PLCE1: variants seen among roughly 807,000 people sequenced by gnomAD.
PLCE1 encodes 1-phosphatidylinositol 4,5-bisphosphate phosphodiesterase epsilon-1.
In PLCE1, 119 loss-of-function variants were observed where a neutral mutation model predicts 242.8. The ratio of observed to expected loss-of-function variants is 0.49; its 90% CI spans 0.42 to 0.57. The LOEUF is 0.57. PLCE1 is among the 20% of genes least tolerant of loss of function. PLCE1 has a pLI of 0.00. For synonymous variants in PLCE1, 945 were observed against 1,017.4 expected (o/e 0.93, Z 1.35); for missense variants, 2,441 against 2,788.8 (o/e 0.88, Z 2.81).
intron 2 of PLCE1, among the ~76,000 whole-genome samples, chr10:94,071,761 A>C (rs554357428): frequency 3.5e-4 from 53 of 152,128 alleles, no homozygotes; most frequent in Admixed American, 9.8e-4. Flanking sequence ...AGCCTCCAAA[A>C]GTGCTAGGAA....
chr10:94,056,849 T>C (rs1311546796), intron 2 of PLCE1, among the ~76,000 whole-genome samples: 2 of 145,384 alleles, frequency 1.4e-5, no homozygotes, highest in Middle Eastern at 3.4e-3. Flanking sequence ...GTAATCTGCT[T>C]TTTGTCTTTA....
At chr10:94,255,134 A>T in intron 11 of PLCE1, 85 bp downstream of exon 11, 3 of 1,480,668 alleles carry the variant, frequency 2.0e-6, no homozygotes, top group Non-Finnish European at 2.8e-6. Flanking sequence ...TTGTCTATGG[A>T]AAGACTATTT....
At chr10:94,043,747 T>C (rs2061821114) in intron 2 of PLCE1, among the ~76,000 whole-genome samples, 1 of 152,248 alleles carries the variant, frequency 6.6e-6, no homozygotes, top group East Asian at 1.9e-4. Flanking sequence ...CAGACCCTGG[T>C]TGAACCAGCC....
chr10:94,216,044 A>AGT (rs1451474858), intron 4 of PLCE1, among the ~76,000 whole-genome samples: 1 of 152,216 alleles, frequency 6.6e-6, no homozygotes, highest in Non-Finnish European at 1.5e-5. Flanking sequence ...TCCCACCTTC[A>AGT]CCACTTTAAT....
intron 8 of PLCE1, among the ~76,000 whole-genome samples, chr10:94,249,701 A>T (rs1446133213): frequency 6.6e-6 from 1 of 152,194 alleles, no homozygotes; most frequent in African/African-American, 2.4e-5. Flanking sequence ...TAACATTTGT[A>T]GAGAAGCCTA....
chr10:94,233,995 C>T (rs575730758), intron 5 of PLCE1, 59 bp from the exon 6 acceptor site: 1 of 1,453,034 alleles, frequency 6.9e-7, no homozygotes, highest in African/African-American at 1.4e-5. Context: ...ATTTAGGCTC[C>T]TTGCTGTAAA....
In PLCE1 at chr10:94,071,910, T is replaced by C. The variant is rs189263249; in HGVS notation, c.1206+39658T>C. On this transcript the variant is annotated intron_variant, in intron 2 of 32. Transcript: ENST00000371380. Reference sequence around the variant, plus strand: ...TCTTATCTTCCCATTTTTGTCTCTTTTAACGTTTCTCTTTCATTTCATTGC... The same window carrying C: ...TCTTATCTTCCCATTTTTGTCTCTTCTAACGTTTCTCTTTCATTTCATTGC... 2.4e-4 allele frequency among the ~76,000 whole-genome samples: 37 copies of C among 152,312 alleles called. No individual in the cohort carries two copies. The East Asian group carries it at 7.0e-3, about 29-fold the overall frequency.
chr10:94,141,614 G>A (rs2046966110), intron 3 of PLCE1, among the ~76,000 whole-genome samples: 1 of 1,180 alleles, frequency 8.5e-4, no homozygotes, highest in Non-Finnish European at 3.0e-3. Context: ...AAGGGAAGGA[G>A]AAAGGAAGGC....
intron 2 of PLCE1, among the ~76,000 whole-genome samples, chr10:94,044,159 C>G (rs1240004080): frequency 6.6e-6 from 1 of 152,122 alleles, no homozygotes. Context: ...TTTTATTTTT[C>G]TGTATTTTTG....
chr10:94,121,449 G>T (rs2046295408), intron 2 of PLCE1, among the ~76,000 whole-genome samples: 2 of 152,166 alleles, frequency 1.3e-5, no homozygotes, highest in Non-Finnish European at 2.9e-5. Flanking sequence ...TGGCTTTTGG[G>T]GGTAGGAAGT....
At chr10:94,089,153 A>G in intron 2 of PLCE1, 2 of 1,614,004 alleles carry the variant, frequency 1.2e-6, no homozygotes, top group Non-Finnish European at 1.7e-6. Context: ...GAGGTGAGGC[A>G]GCTCCACGTG....
chr10:94,192,749 T>C (rs2048707948), intron 4 of PLCE1, among the ~76,000 whole-genome samples: 1 of 152,174 alleles, frequency 6.6e-6, no homozygotes. Flanking sequence ...CTTTGAGAAG[T>C]CTCTAAACTA....
At chr10:94,057,190 AT>A (rs2043930354) in intron 2 of PLCE1, among the ~76,000 whole-genome samples, 2 of 152,116 alleles carry the variant, frequency 1.3e-5, no homozygotes, top group South Asian at 4.1e-4. Context: ...ATGCTGGGTC[AT>A]TTGGTAATTC....
At chr10:94,283,552 A>G in intron 20 of PLCE1, 1 of 392,852 alleles carries the variant, frequency 2.5e-6, no homozygotes, top group South Asian at 2.2e-5. Flanking sequence ...AATCATTTAA[A>G]TTATGTATAT....
rs565959985 is a variant in PLCE1 at position 94,003,309 on chromosome 10, T to C, written c.-365+9051T>C. On this transcript the variant is annotated intron_variant, in intron 1 of 32. Transcript: ENST00000371380. The stretch of plus-strand genomic sequence containing the variant: ...TTACTTTGAAGAAGTAGTTTTATAT[T>C]CCGGGATTTAAGCAAAAGATGAAAG... Among the ~76,000 whole-genome samples, 5 of 152,326 alleles carry C rather than the reference T, an allele frequency of 3.3e-5. No homozygotes were observed. In the East Asian group the frequency reaches 5.8e-4, roughly 18 times the overall value.
At chr10:94,042,834 T>G (rs2134656797) in intron 2 of PLCE1, among the ~76,000 whole-genome samples, 1 of 152,316 alleles carries the variant, frequency 6.6e-6, no homozygotes, top group East Asian at 1.9e-4. Flanking sequence ...AAGAGCAAAG[T>G]CCAAAGCAAA....
chr10:94,063,202 G>A (rs1227984407), intron 2 of PLCE1, among the ~76,000 whole-genome samples: 1 of 152,078 alleles, frequency 6.6e-6, no homozygotes, highest in Non-Finnish European at 1.5e-5. Context: ...TTTCCTTTAT[G>A]GTGGTTTTGT....
intron 2 of PLCE1, among the ~76,000 whole-genome samples, chr10:94,125,817 T>C (rs1211718235): frequency 1.3e-5 from 2 of 152,142 alleles, no homozygotes; most frequent in African/African-American, 4.8e-5. Flanking sequence ...AGTACAAAAT[T>C]GACCCCACTT....
At position 94,258,837 on chromosome 10, in the gene PLCE1, G is replaced by A; in HGVS notation, c.3592G>A (p.Gly1198Ser). Residue 1198 changes from glycine (G) to serine (S), a missense_variant, in exon 12 of 33, where the codon GGC becomes AGC. Around this residue, in one of 5 missense-constraint regions of PLCE1, gnomAD observed 1,004 missense variants for 1,322.7 expected, o/e 0.76. Transcript: ENST00000371380. ...TAGTAGCTGGCACGGGCGGATCAAA[G>A]GCGGCATGAAGGGATTTCAGAGCTT... ...SSSSWHGRIK[G>S]GMKGFQSFMV... 1 of 1,614,094 alleles carries A rather than the reference G, an allele frequency of 6.2e-7. No homozygotes were observed. Among genetic ancestry groups the A allele is most frequent in the South Asian group, 1.1e-5 (1 of 91,080 alleles).
Sources: gnomAD v4.1 joint callset for allele counts (sites outside exome capture counted in the v4.1 genomes callset) on GRCh38, gnomAD v4.1.1 for gene constraint, gnomAD v4.1.1 regional missense constraint, MANE v1.5 for transcripts, NCBI Gene and HGNC (gene_info 2026-07-23, HGNC 2026-07-21) for gene names.